SHLD1: variants seen among roughly 807,000 people sequenced by gnomAD.
The protein encoded by SHLD1 is shieldin complex subunit 1.
In SHLD1, 3 loss-of-function variants were observed where a neutral mutation model predicts 5.5. The ratio of observed to expected loss-of-function variants is 0.54; its 90% CI spans 0.25 to 1.40. The LOEUF (loss-of-function observed/expected upper bound fraction) is 1.40. Among genes scored for constraint, SHLD1 ranks in the 40% most tolerant of loss-of-function variants. The pLI is 0.15. For missense variants in SHLD1, 210 were observed against 244.4 expected, an observed-to-expected ratio of 0.86 and a Z score of 0.94; for synonymous variants, 92 against 94.3, an observed-to-expected ratio of 0.98 and a Z score of 0.14.
In SHLD1 at chr20:5,863,654, G is replaced by C. The variant is rs1443956833; in HGVS notation, c.*191G>C. ...GTCAGCCCATATGGAGAGCCAGCAG[G>C]GTCTGGGAGTTCTCCGTCCTCTTGG... On this transcript the variant is annotated 3_prime_UTR_variant, in exon 3 of 3. Transcript: ENST00000303142. 2 of 564,970 alleles carry C rather than the reference G, an allele frequency of 3.5e-6. No individual in the cohort carries two copies. Among genetic ancestry groups the C allele is most frequent in the Non-Finnish European group, 6.0e-6 (2 of 333,498 alleles). The allele number at this position is 564,970 out of a possible 1,614,324, so 35.0% of individuals were successfully genotyped here. A position where few individuals can be genotyped will look rare whatever the true frequency, so the allele number is the denominator to read the frequency against.
chr20:5,782,547 T>C (rs1470739333), intron 2 of SHLD1, among the ~76,000 whole-genome samples: 1 of 152,224 alleles, frequency 6.6e-6, no homozygotes, highest in African/African-American at 2.4e-5. Context: ...GGGAAATTGG[T>C]TGCATGTAGA....
chr20:5,800,675 G>A (rs13041751), intron 2 of SHLD1, among the ~76,000 whole-genome samples: 129,465 of 151,834 alleles, frequency 0.85, 55,371 homozygotes, highest in East Asian at 1. Context: ...GCAACAGACC[G>A]AGACTGTCTC....
At chr20:5,805,812 G>C (rs911763727) in intron 2 of SHLD1, among the ~76,000 whole-genome samples, 1 of 152,058 alleles carries the variant, frequency 6.6e-6, no homozygotes, top group Non-Finnish European at 1.5e-5. Flanking sequence ...TTTTGGCCAG[G>C]CTGGTCTCAA....
chr20:5,801,487 TCC>T (rs1272544057), intron 2 of SHLD1, among the ~76,000 whole-genome samples: 1 of 152,190 alleles, frequency 6.6e-6, no homozygotes, highest in Non-Finnish European at 1.5e-5. Context: ...GAATCAAGTA[TCC>T]TACTCACAGT....
chr20:5,862,077 AGG>A (rs2088170037), intron 2 of SHLD1, among the ~76,000 whole-genome samples: 1 of 152,198 alleles, frequency 6.6e-6, no homozygotes, highest in African/African-American at 2.4e-5. Flanking sequence ...CTTTCAGATT[AGG>A]ATTCTACCTA....
At chr20:5,839,581 A>T (rs1174812671) in intron 2 of SHLD1, among the ~76,000 whole-genome samples, 2 of 152,228 alleles carry the variant, frequency 1.3e-5, no homozygotes, top group Admixed American at 1.3e-4. Context: ...AGATGTGTGG[A>T]AGTACATGTT....
intron 2 of SHLD1, among the ~76,000 whole-genome samples, chr20:5,786,204 C>G (rs1246821823): frequency 6.6e-6 from 1 of 152,164 alleles, no homozygotes; most frequent in Non-Finnish European, 1.5e-5. Context: ...ACCAGAACCC[C>G]CTTTCTCCAA....
At chr20:5,824,468 A>T (rs188923790) in intron 2 of SHLD1, among the ~76,000 whole-genome samples, 20 of 152,342 alleles carry the variant, frequency 1.3e-4, no homozygotes, top group Non-Finnish European at 2.5e-4. Context: ...AGCTCCACAG[A>T]GCAAGTAGCT....
intron 2 of SHLD1, among the ~76,000 whole-genome samples, chr20:5,808,265 C>CA (rs993596036): frequency 2.0e-3 from 50 of 24,734 alleles, no homozygotes; most frequent in East Asian, 6.0e-3. Context: ...GACTCCATCT[C>CA]AAAAAAAAAA....
At chr20:5,860,694 G>T (rs1454325564) in intron 2 of SHLD1, among the ~76,000 whole-genome samples, 2 of 151,880 alleles carry the variant, frequency 1.3e-5, no homozygotes, top group South Asian at 2.1e-4. Flanking sequence ...CTTCTGAAGA[G>T]TACAGGCCAA....
chr20:5,813,998 G>A (rs1477661166), intron 2 of SHLD1, among the ~76,000 whole-genome samples: 3 of 117,956 alleles, frequency 2.5e-5, no homozygotes, highest in South Asian at 2.8e-4. Flanking sequence ...TGTCTCCCAC[G>A]CTGGAGTGCA....
chr20:5,764,150 ATT>A lies in SHLD1; in HGVS notation c.-4-8710_-4-8709del, dbSNP rs1491288861. Among the ~76,000 whole-genome samples, 150 of 56,188 alleles carry A rather than the reference ATT, an allele frequency of 2.7e-3. 2 individuals carry two copies. The highest frequency in any genetic ancestry group is 8.5e-3 in the South Asian group (16 of 1,884). 36.9% of individuals were successfully genotyped at this position (56,188 alleles called of 152,430 possible). The stretch of plus-strand genomic sequence containing the variant: ...TCAAAAAAAAAAAAAATATATATAT[ATT>A]TATATTTATATATATATATATATTT... On this transcript the variant is annotated intron_variant, in intron 1 of 2. Transcript: ENST00000303142.
chr20:5,840,442 TGTG>T (rs2087844025), intron 2 of SHLD1, among the ~76,000 whole-genome samples: 1 of 152,146 alleles, frequency 6.6e-6, no homozygotes, highest in Admixed American at 6.5e-5. Context: ...ATCTAGATTG[TGTG>T]GGATGAGAGA....
intron 1 of SHLD1, among the ~76,000 whole-genome samples, chr20:5,752,154 G>C (rs2122156952): frequency 6.6e-6 from 1 of 152,290 alleles, no homozygotes; most frequent in South Asian, 2.1e-4. Context: ...TCAACGCTTT[G>C]TGAGGCCGTG....
intron 1 of SHLD1, among the ~76,000 whole-genome samples, chr20:5,754,538 TAA>T (rs1983952330): frequency 6.6e-6 from 1 of 152,156 alleles, no homozygotes; most frequent in Non-Finnish European, 1.5e-5. Context: ...GTAAAATATT[TAA>T]AGAGGTTTAT....
intron 2 of SHLD1, among the ~76,000 whole-genome samples, chr20:5,858,812 G>T (rs550543469): frequency 2.6e-4 from 39 of 152,292 alleles, no homozygotes; most frequent in African/African-American, 8.7e-4. Flanking sequence ...TCCAGCTTGG[G>T]TGACAGAGTA....
In SHLD1 at chr20:5,801,965, G is replaced by T. The variant is rs151228133; in HGVS notation, c.178+28922G>T. Among the ~76,000 whole-genome samples the T allele has an allele frequency of 4.9e-4, 74 of 152,290 alleles. 1 individual carries two copies. In the East Asian group the frequency reaches 0.013, roughly 26 times the overall value. On this transcript the variant is annotated intron_variant, in intron 2 of 2. Transcript: ENST00000303142. Reference sequence around the variant, plus strand: ...GTGTGTGCTACATTGGATGTTCTCAGTGGGTACTCATTGAATTGAATGATG... The same window carrying T: ...GTGTGTGCTACATTGGATGTTCTCATTGGGTACTCATTGAATTGAATGATG...
intron 2 of SHLD1, among the ~76,000 whole-genome samples, chr20:5,782,558 C>T (rs568558077): frequency 1.3e-5 from 2 of 152,242 alleles, no homozygotes; most frequent in African/African-American, 4.8e-5. Flanking sequence ...TGCATGTAGA[C>T]AGCAAATTGA....
chr20:5,844,799 A>ATATATATATATTTTT (rs1460082835), intron 2 of SHLD1, among the ~76,000 whole-genome samples: 3 of 71,718 alleles, frequency 4.2e-5, no homozygotes, highest in East Asian at 3.7e-4. Context: ...ATATATATAT[A>ATATATATATATTTTT]TTTTTTTTTT....
Sources: allele counts gnomAD v4.1 joint callset (sites outside exome capture counted in the v4.1 genomes callset), GRCh38; gene constraint gnomAD v4.1.1; transcripts MANE v1.5; gene names NCBI Gene and HGNC (gene_info 2026-07-23, HGNC 2026-07-21).